PLXNC1: variants seen among roughly 807,000 people sequenced by gnomAD.
The protein encoded by PLXNC1 is plexin C1.
Under a neutral mutation model 178.2 loss-of-function variants are expected in PLXNC1, and 75 were observed. The ratio of observed to expected loss-of-function variants is 0.42; its 90% confidence interval spans 0.35 to 0.51. The LOEUF (loss-of-function observed/expected upper bound fraction) is 0.51, where lower values mean the gene tolerates loss of function less well. PLXNC1 is among the 20% of genes least tolerant of loss of function. The pLI is 0.02. For missense variants in PLXNC1, 1,503 were observed against 1,984.4 expected, an observed-to-expected ratio of 0.76 and a Z score of 4.61; for synonymous variants, 790 against 779.9, an observed-to-expected ratio of 1.01 and a Z score of -0.22.
intron 2 of PLXNC1, among the ~76,000 whole-genome samples, chr12:94,179,277 A>C (rs192543661): frequency 3.7e-4 from 56 of 152,328 alleles, no homozygotes; most frequent in Middle Eastern, 3.4e-3. Context: ...TTCTTTTGAA[A>C]CCATGCGCCC....
chr12:94,196,041 G>C (rs1962901919), intron 4 of PLXNC1, among the ~76,000 whole-genome samples: 1 of 152,128 alleles, frequency 6.6e-6, no homozygotes. Flanking sequence ...TCATTAACCT[G>C]CTGGGATCCT....
intron 27 of PLXNC1, 79 bp from the exon 28 acceptor site, chr12:94,300,831 C>T (rs1276031822): frequency 1.0e-5 from 14 of 1,355,366 alleles, no homozygotes; most frequent in South Asian, 2.9e-5. Flanking sequence ...CAAAAACACC[C>T]GTTTACAAAC....
intron 20 of PLXNC1, chr12:94,262,619 A>G: frequency 8.1e-6 from 8 of 985,338 alleles, no homozygotes; most frequent in Non-Finnish European, 9.6e-6. Context: ...CGATACTTTC[A>G]CTTTCAGTGG....
chr12:94,223,439 A>G (rs1000384097), intron 6 of PLXNC1, among the ~76,000 whole-genome samples: 1 of 152,200 alleles, frequency 6.6e-6, no homozygotes, highest in African/African-American at 2.4e-5. Context: ...GAGCAATGCA[A>G]CCACAGGTTC....
At chr12:94,217,482 A>T (rs952285185) in intron 5 of PLXNC1, among the ~76,000 whole-genome samples, 5 of 152,164 alleles carry the variant, frequency 3.3e-5, no homozygotes, top group African/African-American at 1.2e-4. Context: ...CTCCAGGCCC[A>T]TACCCAACTT....
At chr12:94,160,524 T>C (rs1961343327) in intron 1 of PLXNC1, among the ~76,000 whole-genome samples, 1 of 152,220 alleles carries the variant, frequency 6.6e-6, no homozygotes, top group Non-Finnish European at 1.5e-5. Context: ...CATCGCCCCT[T>C]GGTCTTCTCC....
intron 9 of PLXNC1, among the ~76,000 whole-genome samples, chr12:94,232,951 A>G (rs1291559119): frequency 6.6e-6 from 1 of 152,226 alleles, no homozygotes; most frequent in Non-Finnish European, 1.5e-5. Context: ...TATGCCCTAA[A>G]TTGAATATAA....
Position 94,150,025 on chromosome 12 carries a change from A to G in PLXNC1, c.1054A>G (p.Ser352Gly). ...CAGCTGGGACTTCAAGACGGCCGAG[A>G]GCCACTGCGTAAGTCCTGCCCCCGG... is the stretch of plus-strand genomic sequence containing the variant. ...RVSWDFKTAESHCKEGDQPER... is the reference protein window; with the variant it reads ...RVSWDFKTAEGHCKEGDQPER... The change falls in exon 1 of 31, where the codon AGC becomes GGC. Residue 352 changes from serine to glycine, a missense_variant. Physicochemically the swap from Ser to Gly is moderately conservative, Grantham distance 56. Around this residue, in one of 4 missense-constraint regions of PLXNC1, gnomAD observed 615 missense variants for 698.6 expected, o/e 0.88. Transcript: ENST00000258526. 6.3e-7 allele frequency: 1 copy of G among 1,592,370 alleles called. No homozygotes were observed. The highest frequency in any genetic ancestry group is 8.5e-7 in the Non-Finnish European group (1 of 1,170,950).
chr12:94,299,053 A>G lies in PLXNC1; in HGVS notation c.4238+258A>G, dbSNP rs114391995. Among the ~76,000 whole-genome samples, 1,137 of 152,360 alleles carry G rather than the reference A, an allele frequency of 7.5e-3. 15 individuals carry two copies. Among genetic ancestry groups the G allele is most frequent in the African/African-American group, 0.026 (1,081 of 41,580 alleles). On this transcript the variant is annotated intron_variant, in intron 27 of 30. Coordinates refer to ENST00000258526, the MANE Select transcript of PLXNC1 (RefSeq NM_005761.3). ...CATGATACTTTGTCTAGAATGTTAA[A>G]AGAAATTTAAGTTGACCAGTAAAGA...
intron 4 of PLXNC1, among the ~76,000 whole-genome samples, chr12:94,205,387 G>A (rs879285340): frequency 2.0e-5 from 3 of 152,284 alleles, no homozygotes; most frequent in Non-Finnish European, 2.9e-5. Context: ...GCTATATAAT[G>A]CAAATGGCTG....
chr12:94,157,354 C>T (rs1167087542), intron 1 of PLXNC1, among the ~76,000 whole-genome samples: 1 of 152,180 alleles, frequency 6.6e-6, no homozygotes, highest in Non-Finnish European at 1.5e-5. Flanking sequence ...TGACCACTCC[C>T]TTCCCCAAAC....
chr12:94,284,246 CTAATT>C (rs1372775033), intron 23 of PLXNC1, among the ~76,000 whole-genome samples: 2 of 152,164 alleles, frequency 1.3e-5, no homozygotes, highest in African/African-American at 4.8e-5. Flanking sequence ...AATCTTGTGG[CTAATT>C]TGTTAGTCCT....
intron 14 of PLXNC1, among the ~76,000 whole-genome samples, chr12:94,248,841 G>C (rs1276684040): frequency 6.6e-6 from 1 of 152,184 alleles, no homozygotes; most frequent in Non-Finnish European, 1.5e-5. Flanking sequence ...ATGGAGACCA[G>C]ATAATCTCTG....
chr12:94,162,903 G>A (rs984562153), intron 1 of PLXNC1, among the ~76,000 whole-genome samples: 2 of 152,132 alleles, frequency 1.3e-5, no homozygotes, highest in African/African-American at 2.4e-5. Context: ...GTTGGGGAGA[G>A]ACTTTCACAG....
intron 1 of PLXNC1, among the ~76,000 whole-genome samples, chr12:94,153,924 C>A (rs748823954): frequency 9.9e-5 from 15 of 152,184 alleles, no homozygotes; most frequent in African/African-American, 3.4e-4. Context: ...ACCTCAAAAT[C>A]CGCAGTCTTC....
In PLXNC1 at chr12:94,306,683, T is replaced by C. The variant is rs1019122204; in HGVS notation, c.*1398T>C. The C allele has an allele frequency of 1.3e-5, 2 of 152,156 alleles. No individual in the cohort carries two copies. The highest frequency in any genetic ancestry group is 6.6e-5 in the Admixed American group (1 of 15,214). 9.4% of individuals were successfully genotyped at this position (152,156 alleles called of 1,614,324 possible). The stretch of plus-strand genomic sequence containing the variant: ...ATTGATCACATATTCCTTGAAATCA[T>C]TTACCAACACTGTATGGAGCATTAG... On this transcript the variant is annotated 3_prime_UTR_variant, in exon 31 of 31. Coordinates refer to ENST00000258526, the MANE Select transcript of PLXNC1 (RefSeq NM_005761.3).
In PLXNC1 at chr12:94,192,122, T is replaced by C. The variant is rs564105596; in HGVS notation, c.1439+5649T>C. On this transcript the variant is annotated intron_variant, in intron 4 of 30. Transcript: ENST00000258526. ...ACAATGTCATAAATTAAGGATTGAT[T>C]CCCAAGCCAGCCCATAAAATCCAAA... Among the ~76,000 whole-genome samples the C allele has an allele frequency of 2.6e-5, 4 of 152,284 alleles. No individual in the cohort carries two copies. In the East Asian group the frequency reaches 7.7e-4, roughly 29 times the overall value.
intron 4 of PLXNC1, among the ~76,000 whole-genome samples, chr12:94,204,455 G>A (rs545413657): frequency 3.9e-5 from 6 of 152,296 alleles, no homozygotes; most frequent in South Asian, 4.1e-4. Flanking sequence ...TCTTTTAATT[G>A]TCTCTGTTAT....
At chr12:94,177,150 T>C (rs1462964836) in intron 2 of PLXNC1, among the ~76,000 whole-genome samples, 1 of 57,848 alleles carries the variant, frequency 1.7e-5, no homozygotes, top group African/African-American at 1.2e-4. Context: ...TGTGTGTGTG[T>C]ATATATATAT....
Sources: allele counts gnomAD v4.1 joint callset (sites outside exome capture counted in the v4.1 genomes callset), GRCh38; gene constraint gnomAD v4.1.1; regional missense constraint gnomAD v4.1.1; transcripts MANE v1.5; gene names NCBI Gene and HGNC (gene_info 2026-07-23, HGNC 2026-07-21).